Variants in STAP2 observed in about 807,000 individuals in gnomAD.
STAP2 encodes the protein signal-transducing adaptor protein 2.
A neutral mutation model predicts 52.7 loss-of-function variants in STAP2; 58 were observed. That is an observed-to-expected ratio of 1.10 (90% CI 0.89 to 1.37). The LOEUF is 1.37. STAP2 is among the 40% of genes most tolerant of loss of function. The probability of loss-of-function intolerance (pLI) is 0.00; values close to 1 mark genes in which losing one functional copy is unlikely to be tolerated. For missense variants in STAP2, 522 were observed against 519.4 expected, an observed-to-expected ratio of 1.00 and a Z score of -0.05; for synonymous variants, 231 against 210.5, an observed-to-expected ratio of 1.10 and a Z score of -0.84.
chr19:4,329,810 C>T, intron 5 of STAP2, 151 bp downstream of exon 5: 1 of 225,388 alleles, frequency 4.4e-6, no homozygotes, highest in Non-Finnish European at 8.9e-6. Context: ...GCCATAACTC[C>T]CCCTCCCCCT....
intron 6 of STAP2, among the ~76,000 whole-genome samples, 179 bp downstream of exon 6, chr19:4,328,496 T>A (rs1407002831): frequency 7.4e-6 from 1 of 135,392 alleles, no homozygotes; most frequent in Non-Finnish European, 1.6e-5. Context: ...CTCTGACTCC[T>A]CCCCCAATCC....
rs1186800166 is a variant in STAP2, at chr19:4,333,953, G to C, written c.174+20C>G. ...GGCTCAAGGGAAGGCCTGCTCTGGA[G>C]CCTCCATTCCCATCCTTACCTGGAA... is the stretch of plus-strand genomic sequence containing the variant. On this transcript the variant is annotated intron_variant, in intron 2 of 12. Coordinates refer to ENST00000594605, the MANE Select transcript of STAP2 (RefSeq NM_001013841.2). The C allele has an allele frequency of 1.2e-6, 2 of 1,612,434 alleles. No homozygotes were observed. The highest frequency in any genetic ancestry group is 8.5e-7 in the Non-Finnish European group (1 of 1,179,368).
Position 4,325,497 on chromosome 19 carries a change from C to T in STAP2, c.878G>A (p.Ser293Asn). 1 of 1,612,094 alleles carries T rather than the reference C, an allele frequency of 6.2e-7. No individual in the cohort carries two copies. The highest frequency in any genetic ancestry group is 1.1e-5 in the South Asian group (1 of 90,680). Residue 293 changes from serine to asparagine, a missense_variant, in exon 10 of 13, where the codon AGC (serine) becomes AAC (asparagine). Coordinates refer to ENST00000594605, the MANE Select transcript of STAP2 (RefSeq NM_001013841.2). ...GGPKPLSPAS[S>N]QDKLPPLPPL... is the part of the protein sequence containing the mutation. ...GGGCAGTGGGGGCAGCTTGTCCTGG[C>T]TAGACGCAGGTGACAGCGGCTTGGG... is the stretch of plus-strand genomic sequence containing the variant.
chr19:4,328,909 C>G (rs966035815), intron 5 of STAP2, 100 bp from the exon 6 acceptor site: 16 of 1,485,462 alleles, frequency 1.1e-5, no homozygotes, highest in Non-Finnish European at 1.4e-5. Flanking sequence ...ATCCCCATCC[C>G]CTAGGCCCAG....
At chr19:4,330,379 G>A (rs895878090) in intron 4 of STAP2, among the ~76,000 whole-genome samples, 6 of 151,784 alleles carry the variant, frequency 4.0e-5, no homozygotes, top group Non-Finnish European at 7.4e-5. Flanking sequence ...AAAATTAGCC[G>A]GGCGTGGTGG....
chr19:4,325,182 T>A, intron 11 of STAP2, 34 bp downstream of exon 11: 6 of 1,490,386 alleles, frequency 4.0e-6, no homozygotes, highest in African/African-American at 1.4e-5. Context: ...TGGCCTGCCA[T>A]CAGGTGAGGG....
At chr19:4,332,311 G>A (rs984886797) in intron 3 of STAP2, among the ~76,000 whole-genome samples, 3 of 140,072 alleles carry the variant, frequency 2.1e-5, no homozygotes, top group Non-Finnish European at 4.5e-5. Context: ...AGGTTCAAGC[G>A]ATTCTCCTGC....
Position 4,324,563 on chromosome 19 carries a change from G to A in STAP2, c.1073-34C>T, listed in dbSNP as rs758696204. On this transcript the variant is annotated intron_variant, in intron 11 of 12. Transcript: ENST00000594605. ...GAAGACAGATGAGGCCAGGTGTGGT[G>A]GCTCACGCCGGTAATCCCAGCACTT... 1.3e-6 allele frequency: 2 copies of A among 1,552,440 alleles called. No individual in the cohort carries two copies. The highest frequency in any genetic ancestry group is 1.7e-6 in the Non-Finnish European group (2 of 1,147,630).
At chr19:4,327,756 A>G (rs1971818494) in intron 6 of STAP2, among the ~76,000 whole-genome samples, 1 of 149,672 alleles carries the variant, frequency 6.7e-6, no homozygotes, top group South Asian at 2.1e-4. Flanking sequence ...ACCAGGCCCT[A>G]AAGACCCCGC....
Position 4,325,218 on chromosome 19 carries a change from G to T in STAP2, c.1070C>A (p.Pro357Gln). 6.3e-7 allele frequency: 1 copy of T among 1,585,178 alleles called. No homozygotes were observed. The highest frequency in any genetic ancestry group is 8.6e-7 in the Non-Finnish European group (1 of 1,165,514). The change falls in exon 11 of 13, where the codon CCA (proline) becomes CAA (glutamine). Residue 357 changes from proline (P) to glutamine (Q), a missense_variant and splice_region_variant. Transcript: ENST00000594605. ...KLPKPPVGPK[P>Q]EPKVFNGGLG... ...TGGGATATGGGGGGGACCCCAACCT[G>T]GCTTGGGTCCAACGGGTGGCTTTGG...
In STAP2 at chr19:4,330,028, C is replaced by T; in HGVS notation, c.388G>A (p.Gly130Arg). The change falls in exon 5 of 13, where the codon GGG (glycine) becomes AGG (arginine). Residue 130 changes from glycine (G) to arginine (R), a missense_variant. By Grantham distance (125) the Gly-to-Arg change is moderately radical. Coordinates refer to ENST00000594605, the MANE Select transcript of STAP2 (RefSeq NM_001013841.2). Reference sequence around the variant, plus strand: ...ACTTCAGACATCATGTATAGGTGCCCAGGAAGCAGGGTCAAGTCGGTCGGG... The same window carrying T: ...ACTTCAGACATCATGTATAGGTGCCTAGGAAGCAGGGTCAAGTCGGTCGGG... ...RVPTDLTLLPGHLYMMSEVLA... is the reference protein window; with the variant it reads ...RVPTDLTLLPRHLYMMSEVLA... The T allele has an allele frequency of 2.5e-6, 4 of 1,613,690 alleles. No homozygotes were observed. The highest frequency in any genetic ancestry group is 3.4e-6 in the Non-Finnish European group (4 of 1,179,990).
At chr19:4,328,585 CG>C in intron 6 of STAP2, 89 bp downstream of exon 6, 1 of 1,496,314 alleles carries the variant, frequency 6.7e-7, no homozygotes, top group African/African-American at 1.4e-5. Flanking sequence ...ACTAGCGGGT[CG>C]GACTCCGCCC....
intron 4 of STAP2, among the ~76,000 whole-genome samples, chr19:4,330,291 C>T (rs1193904855): frequency 1.3e-5 from 2 of 151,958 alleles, no homozygotes; most frequent in African/African-American, 2.4e-5. Context: ...GAGGCCGAGG[C>T]GGGCGGATCA....
At chr19:4,330,915 G>A (rs1183398059) in intron 4 of STAP2, among the ~76,000 whole-genome samples, 7 of 151,710 alleles carry the variant, frequency 4.6e-5, no homozygotes, top group East Asian at 2.0e-4. Context: ...GGGTTTCACC[G>A]TGTTGGCCAG....
intron 5 of STAP2, chr19:4,329,014 T>G: frequency 6.0e-6 from 4 of 672,046 alleles, no homozygotes; most frequent in South Asian, 2.2e-5. Context: ...TTTGTTTTTT[T>G]TTTGAGACAG....
intron 4 of STAP2, among the ~76,000 whole-genome samples, chr19:4,330,712 T>C (rs1971875816): frequency 1.3e-5 from 1 of 77,026 alleles, no homozygotes; most frequent in African/African-American, 6.8e-5. Context: ...TGTCAGCTAA[T>C]TTTTTTTTTT....
At chr19:4,336,474 C>T (rs539580469) in intron 1 of STAP2, among the ~76,000 whole-genome samples, 119 of 151,322 alleles carry the variant, frequency 7.9e-4, no homozygotes, top group African/African-American at 2.6e-3. Flanking sequence ...CACACCACCA[C>T]GCCCAGCTAT....
chr19:4,332,148 A>G, intron 3 of STAP2, 70 bp from the exon 4 acceptor site: 1 of 1,263,918 alleles, frequency 7.9e-7, no homozygotes, highest in Non-Finnish European at 1.1e-6. Context: ...AAATTGGACT[A>G]GGGAAGAGTC....
chr19:4,329,812 C>A, intron 5 of STAP2, 149 bp downstream of exon 5: 1 of 227,892 alleles, frequency 4.4e-6, no homozygotes, highest in South Asian at 5.7e-5. Flanking sequence ...CATAACTCCC[C>A]CTCCCCCTCC....
Sources: gnomAD v4.1 joint callset for allele counts (sites outside exome capture counted in the v4.1 genomes callset) on GRCh38, gnomAD v4.1.1 for gene constraint, MANE v1.5 for transcripts, NCBI Gene and HGNC (gene_info 2026-07-23, HGNC 2026-07-21) for gene names.